SHROOM4: variants seen among roughly 807,000 people sequenced by gnomAD.
SHROOM4 encodes protein Shroom4.
SHROOM4 carries 17 observed loss-of-function variants against 80.3 expected under a neutral mutation model. The observed-to-expected ratio is 0.21, with a 90% CI of 0.14 to 0.32. The LOEUF (loss-of-function observed/expected upper bound fraction) is 0.32. Ranked by LOEUF, SHROOM4 falls within the 10% of genes least tolerant of loss-of-function variation. The pLI, the probability that SHROOM4 is intolerant of heterozygous loss-of-function variation, is 1.00. For missense variants in SHROOM4, 993 were observed against 1,140.3 expected (o/e 0.87, Z 1.86); for synonymous variants, 400 against 437.5 (o/e 0.91, Z 1.07).
intron 1 of SHROOM4, among the ~76,000 whole-genome samples, chrX:50,734,176 T>G: frequency 8.9e-6 from 1 of 111,939 alleles, no homozygotes; most frequent in Non-Finnish European, 1.9e-5. Flanking sequence ...CCTAACATTT[T>G]TAAGATGGCA....
intron 5 of SHROOM4, among the ~76,000 whole-genome samples, chrX:50,624,927 C>T (rs1930734303): frequency 9.0e-6 from 1 of 111,623 alleles, no homozygotes; most frequent in Non-Finnish European, 1.9e-5. Flanking sequence ...TAATTAGACA[C>T]ACAAAATATT....
chrX:50,774,321 C>A (rs926870713), intron 1 of SHROOM4, among the ~76,000 whole-genome samples: 4 of 111,571 alleles, frequency 3.6e-5, no homozygotes, highest in South Asian at 7.6e-4. Flanking sequence ...CTCTTGTTGA[C>A]ATGTCCAAAA....
chrX:50,668,192 T>C (rs1254272269), intron 2 of SHROOM4, among the ~76,000 whole-genome samples: 1 of 112,122 alleles, frequency 8.9e-6, no homozygotes, highest in East Asian at 2.8e-4. Flanking sequence ...ATGGGGAGCA[T>C]AGGCATCCGC....
At chrX:50,585,114 G>A (rs782572084), downstream of SHROOM4, among the ~76,000 whole-genome samples, 1 of 111,428 alleles carries the variant, frequency 9.0e-6, no homozygotes, top group African/African-American at 3.3e-5. Flanking sequence ...CAAAGCCTTC[G>A]TGAATTGTTA....
intron 2 of SHROOM4, among the ~76,000 whole-genome samples, chrX:50,654,657 A>G (rs1406482484): frequency 9.0e-6 from 1 of 110,561 alleles, no homozygotes; most frequent in Non-Finnish European, 1.9e-5. Context: ...CTCTTGTTCA[A>G]CTGAAGCTTT....
rs1243775754 is a variant in SHROOM4, at chrX:50,734,265, C to G, written c.118-38328G>C. Among the ~76,000 whole-genome samples the G allele has an allele frequency of 2.7e-5, 3 of 111,730 alleles. No homozygotes were observed. The Admixed American group carries it at 2.9e-4, about 11-fold the overall frequency. The stretch of plus-strand genomic sequence containing the variant: ...TGACTTGTTTGTACAAATTGACAAG[C>G]TGATTCAAAAATTCATATGGGACCC... On this transcript the variant is annotated intron_variant, in intron 1 of 8. Transcript: ENST00000376020.
chrX:50,575,685 G>A, the SHROOM4 span, among the ~76,000 whole-genome samples: 76 of 111,771 alleles, frequency 6.8e-4, no homozygotes, highest in African/African-American at 2.3e-3. Flanking sequence ...GATGTTAGTT[G>A]TAGATATACT....
At chrX:50,636,678 T>C (rs1387170758) in intron 3 of SHROOM4, among the ~76,000 whole-genome samples, 43 of 111,175 alleles carry the variant, frequency 3.9e-4, no homozygotes, top group African/African-American at 1.3e-3. Context: ...TTTTGTATTC[T>C]CCAGTGTCTA....
chrX:50,749,924 A>C (rs1251842308), intron 1 of SHROOM4, among the ~76,000 whole-genome samples: 1 of 111,539 alleles, frequency 9.0e-6, no homozygotes, highest in Non-Finnish European at 1.9e-5. Context: ...GGTTTTTAGA[A>C]GACCTCCATC....
At chrX:50,701,043 G>A (rs1476101918) in intron 1 of SHROOM4, among the ~76,000 whole-genome samples, 1 of 111,649 alleles carries the variant, frequency 9.0e-6, no homozygotes, top group Non-Finnish European at 1.9e-5. Flanking sequence ...TTGAGCCAAC[G>A]GAACTATGCG....
rs1557255975 is a variant in SHROOM4 at position 50,635,659 on chromosome X, A to G, written c.414T>C (p.Cys138=). The change falls in exon 4 of 9, where the codon TGT becomes TGC. Residue 138 remains cysteine, a synonymous_variant. Transcript: ENST00000376020. ...WHSGCNTSDV[C]VQWCPLSRHC... Reference sequence around the variant, plus strand: ...GCCGGGAGAGTGGACACCACTGCACACACACGTCACTGTAAGACACAGGGC... The same window carrying G: ...GCCGGGAGAGTGGACACCACTGCACGCACACGTCACTGTAAGACACAGGGC... The G allele has an allele frequency of 1.7e-6, 2 of 1,208,266 alleles. No homozygotes were observed. Among genetic ancestry groups the G allele is most frequent in the Non-Finnish European group, 2.2e-6 (2 of 894,506 alleles).
intron 2 of SHROOM4, among the ~76,000 whole-genome samples, chrX:50,670,432 C>A (rs1299036846): frequency 2.7e-5 from 3 of 111,518 alleles, no homozygotes. Context: ...CTGCAAAGGA[C>A]ATGAACTCAT....
intron 2 of SHROOM4, among the ~76,000 whole-genome samples, chrX:50,694,102 T>C (rs1032624864): frequency 1.8e-5 from 2 of 111,942 alleles, no homozygotes; most frequent in African/African-American, 6.5e-5. Context: ...ATTTTCCTTA[T>C]CCATTCATCT....
chrX:50,726,561 C>T (rs1934247031), intron 1 of SHROOM4, among the ~76,000 whole-genome samples: 1 of 112,602 alleles, frequency 8.9e-6, no homozygotes, highest in Non-Finnish European at 1.9e-5. Context: ...ACATGGTGCC[C>T]TGCATCCCAG....
intron 1 of SHROOM4, among the ~76,000 whole-genome samples, chrX:50,720,852 GA>G (rs1161926620): frequency 2.5e-4 from 27 of 108,304 alleles, no homozygotes; most frequent in East Asian, 8.7e-4. Context: ...ATGTGGGGAA[GA>G]AAAAAAAAAT....
At chrX:50,750,960 T>C (rs1389749077) in intron 1 of SHROOM4, among the ~76,000 whole-genome samples, 1 of 112,235 alleles carries the variant, frequency 8.9e-6, no homozygotes, top group African/African-American at 3.2e-5. Flanking sequence ...TCACTCCATA[T>C]TCAACAATAG....
chrX:50,754,899 A>G (rs1935005719), intron 1 of SHROOM4, among the ~76,000 whole-genome samples: 2 of 112,349 alleles, frequency 1.8e-5, no homozygotes. Flanking sequence ...TTTGGCACCA[A>G]AATGACCAGG....
In SHROOM4 at chrX:50,587,146, CTG is replaced by C. The variant is rs1333609473; in HGVS notation, c.*9547_*9548del. Among the ~76,000 whole-genome samples, 2 of 111,742 alleles carry C rather than the reference CTG, an allele frequency of 1.8e-5. No individual in the cohort carries two copies. Among genetic ancestry groups the C allele is most frequent in the Non-Finnish European group, 1.9e-5 (1 of 53,133 alleles). On this transcript the variant is annotated 3_prime_UTR_variant, in exon 9 of 9. Coordinates refer to ENST00000376020, the MANE Select transcript of SHROOM4 (RefSeq NM_020717.5). ...ATGAGATTACGCAGTATTTTTCTTT[CTG>C]TGTCTGGTTTGTTTCACTTAGCATA... is the stretch of plus-strand genomic sequence containing the variant.
Position 50,587,872 on chromosome X carries a change from T to C in SHROOM4, c.*8823A>G, listed in dbSNP as rs1928791135. ...AAAATCACAGATCTGTTTTAAAGAT[T>C]AAATGAGGATTTCTGCTTTAAAAAT... On this transcript the variant is annotated 3_prime_UTR_variant, in exon 9 of 9. Coordinates refer to ENST00000376020, the MANE Select transcript of SHROOM4 (RefSeq NM_020717.5). Among the ~76,000 whole-genome samples the C allele has an allele frequency of 8.9e-6, 1 of 112,596 alleles. No individual in the cohort carries two copies. Among genetic ancestry groups the C allele is most frequent in the African/African-American group, 3.2e-5 (1 of 31,039 alleles).
Sources: gnomAD v4.1 joint callset for allele counts (sites outside exome capture counted in the v4.1 genomes callset) on GRCh38, gnomAD v4.1.1 for gene constraint, MANE v1.5 for transcripts, NCBI Gene and HGNC (gene_info 2026-07-23, HGNC 2026-07-21) for gene names.